The following LAMA2 variants were observed in gnomAD, a reference collection of about 807,000 sequenced individuals.
LAMA2 encodes the protein laminin subunit alpha 2.
Under a neutral mutation model 364.8 loss-of-function variants are expected in LAMA2, and 269 were observed. The ratio of observed to expected loss-of-function variants is 0.74; its 90% CI spans 0.67 to 0.82. LAMA2 has a LOEUF of 0.82. Among genes scored for constraint, LAMA2 ranks in the 40% least tolerant of loss-of-function variants. The probability of loss-of-function intolerance (pLI) is 0.00; values close to 1 mark genes in which losing one functional copy is unlikely to be tolerated. For missense variants in LAMA2, 3,807 were observed against 3,873.2 expected (o/e 0.98, Z 0.45); for synonymous variants, 1,379 against 1,370.6 (o/e 1.01, Z -0.14).
At chr6:129,119,029 A>C (rs1776645942) in intron 4 of LAMA2, among the ~76,000 whole-genome samples, 1 of 152,256 alleles carries the variant, frequency 6.6e-6, no homozygotes, top group Non-Finnish European at 1.5e-5. Flanking sequence ...TTTTGGGATC[A>C]GCGGTCCAAA....
At chr6:129,476,280 G>C (rs1784063806) in intron 53 of LAMA2, among the ~76,000 whole-genome samples, 2 of 152,140 alleles carry the variant, frequency 1.3e-5, no homozygotes, top group African/African-American at 4.8e-5. Context: ...TTTAATAAGA[G>C]AAATAGAATA....
chr6:129,027,632 A>T (rs1785919455), intron 1 of LAMA2, among the ~76,000 whole-genome samples: 1 of 151,960 alleles, frequency 6.6e-6, no homozygotes, highest in Non-Finnish European at 1.5e-5. Context: ...ATGATAAAGA[A>T]CAGGAAAAGA....
At chr6:129,038,381 A>G (rs1308671749) in intron 1 of LAMA2, among the ~76,000 whole-genome samples, 1 of 152,194 alleles carries the variant, frequency 6.6e-6, no homozygotes, top group Non-Finnish European at 1.5e-5. Flanking sequence ...TGATATTTAT[A>G]TCCATCTTCC....
chr6:129,329,783 C>G (rs1296810457), intron 29 of LAMA2, among the ~76,000 whole-genome samples: 5 of 152,194 alleles, frequency 3.3e-5, no homozygotes, highest in African/African-American at 1.2e-4. Context: ...GGGTCCACAA[C>G]CCCTGGGCCA....
chr6:129,092,423 A>C (rs1291897087), intron 3 of LAMA2, among the ~76,000 whole-genome samples: 1 of 152,170 alleles, frequency 6.6e-6, no homozygotes, highest in Non-Finnish European at 1.5e-5. Flanking sequence ...TATAACTCTC[A>C]TCACTTAATG....
At chr6:129,170,604 AGGTGT>A (rs1273154675) in intron 9 of LAMA2, among the ~76,000 whole-genome samples, 2 of 147,742 alleles carry the variant, frequency 1.4e-5, no homozygotes, top group African/African-American at 5.1e-5. Context: ...ATTTTGGAAT[AGGTGT>A]GGTGTGGTGC....
chr6:129,366,428 C>G, intron 33 of LAMA2, 67 bp downstream of exon 33: 1 of 1,553,224 alleles, frequency 6.4e-7, no homozygotes, highest in Non-Finnish European at 8.8e-7. Context: ...GCGGTATTGG[C>G]TGTAATTGGT....
At chr6:129,466,476 G>A (rs184838975) in intron 51 of LAMA2, among the ~76,000 whole-genome samples, 4 of 151,982 alleles carry the variant, frequency 2.6e-5, no homozygotes, top group African/African-American at 7.2e-5. Flanking sequence ...TTTCCAACAG[G>A]AAACTCTAGA....
At chr6:129,171,743 T>G (rs1388616070) in intron 9 of LAMA2, among the ~76,000 whole-genome samples, 2 of 123,278 alleles carry the variant, frequency 1.6e-5, no homozygotes, top group Non-Finnish European at 3.3e-5. Context: ...TTGGGGAAGT[T>G]CTCCTGGATA....
chr6:129,508,068 G>A (rs576758630), intron 62 of LAMA2, among the ~76,000 whole-genome samples: 1 of 152,208 alleles, frequency 6.6e-6, no homozygotes, highest in South Asian at 2.1e-4. Context: ...GCACACCCAT[G>A]TCTGTTTCTT....
At chr6:128,967,420 G>A (rs1249175886) in intron 1 of LAMA2, among the ~76,000 whole-genome samples, 1 of 152,116 alleles carries the variant, frequency 6.6e-6, no homozygotes, top group South Asian at 2.1e-4. Flanking sequence ...TTTGTGCCAG[G>A]CACTGTTAGA....
intron 1 of LAMA2, among the ~76,000 whole-genome samples, chr6:129,037,821 C>T (rs528806515): frequency 6.6e-6 from 1 of 152,168 alleles, no homozygotes; most frequent in African/African-American, 2.4e-5. Flanking sequence ...AGGTGCTTGC[C>T]ACCACACCTG....
At chr6:129,033,736 C>G (rs984851606) in intron 1 of LAMA2, among the ~76,000 whole-genome samples, 6 of 151,988 alleles carry the variant, frequency 3.9e-5, no homozygotes, top group African/African-American at 7.2e-5. Context: ...GGAAGAAAGA[C>G]AGAAGAGAGC....
chr6:128,894,618 C>T (rs1776652719), intron 1 of LAMA2, among the ~76,000 whole-genome samples: 1 of 152,308 alleles, frequency 6.6e-6, no homozygotes, highest in African/African-American at 2.4e-5. Context: ...TTCCTCAAAT[C>T]AACCATCATG....
intron 37 of LAMA2, 59 bp downstream of exon 37, chr6:129,393,314 G>A: frequency 8.0e-7 from 1 of 1,255,682 alleles, no homozygotes; most frequent in Non-Finnish European, 1.2e-6. Flanking sequence ...CGGGGGCAGT[G>A]TTGAACATGG....
chr6:129,331,688 C>G (rs1367532851), intron 29 of LAMA2, among the ~76,000 whole-genome samples: 1 of 152,048 alleles, frequency 6.6e-6, no homozygotes, highest in African/African-American at 2.4e-5. Context: ...AAAACAAACT[C>G]TCCTGACTCA....
intron 12 of LAMA2, among the ~76,000 whole-genome samples, chr6:129,195,190 G>T (rs371478387): frequency 6.6e-6 from 1 of 152,114 alleles, no homozygotes; most frequent in African/African-American, 2.4e-5. Context: ...TTTCCAAGTT[G>T]CTTGGTTATA....
chr6:129,405,870 T>TTAATATAATAG (rs1780223439), intron 40 of LAMA2, among the ~76,000 whole-genome samples: 1 of 152,162 alleles, frequency 6.6e-6, no homozygotes, highest in Non-Finnish European at 1.5e-5. Context: ...AATGTATTAT[T>TTAATATAATAG]AAGTATAGAA....
intron 29 of LAMA2, among the ~76,000 whole-genome samples, chr6:129,330,770 A>G (rs1775601325): frequency 6.6e-6 from 1 of 151,850 alleles, no homozygotes; most frequent in South Asian, 2.1e-4. Flanking sequence ...CATTGGTATT[A>G]CTGCTTTGCA....
Sources: gnomAD v4.1 joint callset for allele counts (sites outside exome capture counted in the v4.1 genomes callset) on GRCh38, gnomAD v4.1.1 for gene constraint, MANE v1.5 for transcripts, NCBI Gene and HGNC (gene_info 2026-07-23, HGNC 2026-07-21) for gene names.